Variants in PPFIA2 observed in about 807,000 individuals in gnomAD.
The protein encoded by PPFIA2 is liprin-alpha-2.
Under a neutral mutation model 175.5 loss-of-function variants are expected in PPFIA2, and 46 were observed. The observed-to-expected ratio is 0.26, with a 90% CI of 0.21 to 0.34. The LOEUF is 0.34. Ranked by LOEUF, PPFIA2 falls within the 10% of genes least tolerant of loss-of-function variation. The pLI is 1.00. For synonymous variants in PPFIA2, 568 were observed against 511.4 expected (o/e 1.11, Z -1.49); for missense variants, 1,179 against 1,506.1 (o/e 0.78, Z 3.60).
chr12:81,369,075 C>T, intron 12 of PPFIA2, 36 bp downstream of exon 12: 1 of 1,502,026 alleles, frequency 6.7e-7, no homozygotes, highest in Non-Finnish European at 9.2e-7. Context: ...ATTCATAAAC[C>T]AATGATTGGG....
chr12:81,313,731 T>C (rs1255442236), intron 22 of PPFIA2, among the ~76,000 whole-genome samples: 1 of 152,054 alleles, frequency 6.6e-6, no homozygotes, highest in African/African-American at 2.4e-5. Context: ...TCCAGGAAAA[T>C]TGCCAAAAGC....
chr12:81,399,693 TG>T (rs1296109207), intron 8 of PPFIA2, among the ~76,000 whole-genome samples: 6 of 152,144 alleles, frequency 3.9e-5, no homozygotes, highest in African/African-American at 1.4e-4. Flanking sequence ...TCTTTAGACC[TG>T]CTCTTTCCAA....
intron 22 of PPFIA2, among the ~76,000 whole-genome samples, chr12:81,311,323 C>G (rs957631838): frequency 3.3e-5 from 5 of 152,176 alleles, no homozygotes; most frequent in Admixed American, 6.5e-5. Context: ...ATTCTTGGCT[C>G]TCTATATGTA....
intron 22 of PPFIA2, chr12:81,311,955 C>T (rs2051015131): frequency 1.7e-6 from 1 of 571,938 alleles, no homozygotes; most frequent in Admixed American, 3.1e-5. Flanking sequence ...TGCCCAAAAG[C>T]TTACATAATT....
In PPFIA2 at chr12:81,375,801, G is replaced by A. The variant is rs370246827; in HGVS notation, c.1126C>T (p.Arg376Trp). 1.7e-5 allele frequency: 27 copies of A among 1,605,938 alleles called. No individual in the cohort carries two copies. The highest frequency in any genetic ancestry group is 2.2e-5 in the East Asian group (1 of 44,632). ...NELANKEAILRQMEEKNRQLQ... is the reference protein window; with the variant it reads ...NELANKEAILWQMEEKNRQLQ... The stretch of plus-strand genomic sequence containing the variant: ...CCAAGACAGAGATACTGAACCTGCC[G>A]CAGGATAGCTTCTTTATTTGCTAAC... Residue 376 changes from arginine (R) to tryptophan (W), a missense_variant, in exon 10 of 33, where the codon CGG becomes TGG. Transcript: ENST00000549396.
intron 5 of PPFIA2, among the ~76,000 whole-genome samples, chr12:81,457,226 C>T (rs555710773): frequency 4.0e-5 from 6 of 151,316 alleles, no homozygotes; most frequent in Non-Finnish European, 8.8e-5. Flanking sequence ...TTAGGTGATC[C>T]GCCTGCCTTG....
intron 4 of PPFIA2, among the ~76,000 whole-genome samples, chr12:81,537,596 C>T (rs754106107): frequency 6.6e-6 from 1 of 151,852 alleles, no homozygotes; most frequent in East Asian, 1.9e-4. Context: ...AGATGCCTCC[C>T]TTATAACTCT....
chr12:81,597,050 T>C (rs1227219321), intron 4 of PPFIA2, among the ~76,000 whole-genome samples: 1 of 152,146 alleles, frequency 6.6e-6, no homozygotes, highest in Non-Finnish European at 1.5e-5. Flanking sequence ...GCCGTTATAC[T>C]TATTTTTTCC....
intron 4 of PPFIA2, among the ~76,000 whole-genome samples, chr12:81,661,596 T>A (rs542345539): frequency 6.6e-6 from 1 of 151,944 alleles, no homozygotes; most frequent in African/African-American, 2.4e-5. Context: ...ACACAATAAT[T>A]ATGGGAGACT....
intron 9 of PPFIA2, among the ~76,000 whole-genome samples, chr12:81,377,702 T>G (rs935911936): frequency 6.6e-6 from 1 of 152,198 alleles, no homozygotes; most frequent in Non-Finnish European, 1.5e-5. Context: ...GCCTGAGAGA[T>G]ATTTCTAAAT....
intron 6 of PPFIA2, among the ~76,000 whole-genome samples, chr12:81,444,214 T>A (rs528842044): frequency 5.3e-5 from 8 of 152,308 alleles, no homozygotes; most frequent in Non-Finnish European, 8.8e-5. Context: ...CACAGCTTTT[T>A]CTGTGGCTAC....
intron 4 of PPFIA2, among the ~76,000 whole-genome samples, chr12:81,605,521 C>G: frequency 6.6e-6 from 1 of 151,784 alleles, no homozygotes; most frequent in Middle Eastern, 3.2e-3. Context: ...AGTTAAAATT[C>G]ATGCCATATG....
Position 81,676,781 on chromosome 12 carries a change from T to C in PPFIA2, c.303+10A>G. 6.5e-7 allele frequency: 1 copy of C among 1,545,610 alleles called. No individual in the cohort carries two copies. The highest frequency in any genetic ancestry group is 1.2e-5 in the South Asian group (1 of 81,746). Reference sequence around the variant, plus strand: ...ATCAATAGTTAAATTTAATGAAGAATCTAACTTACCGGTGGATCAGCCCCC... The same window carrying C: ...ATCAATAGTTAAATTTAATGAAGAACCTAACTTACCGGTGGATCAGCCCCC... On this transcript the variant is annotated intron_variant, in intron 4 of 32. Coordinates refer to ENST00000549396, the MANE Select transcript of PPFIA2 (RefSeq NM_003625.5).
chr12:81,271,116 A>T (rs964425705), intron 28 of PPFIA2, among the ~76,000 whole-genome samples: 3 of 152,078 alleles, frequency 2.0e-5, no homozygotes, highest in Non-Finnish European at 4.4e-5. Context: ...TCTGTCCTTA[A>T]ATTGAAGTAG....
At position 81,711,141 on chromosome 12, in the gene PPFIA2, T is replaced by C. The variant is rs142468221; in HGVS notation, c.250-34297A>G. ...GACTTGGGAGGCTGAGGTGGGAGGA[T>C]TGCTTGCACCCAGGAATTTGAGGCT... is the stretch of plus-strand genomic sequence containing the variant. On this transcript the variant is annotated intron_variant, in intron 3 of 32. Transcript: ENST00000549396. Among the ~76,000 whole-genome samples the C allele has an allele frequency of 7.1e-3, 1,067 of 151,294 alleles. 14 individuals are homozygous for C. Among genetic ancestry groups the C allele is most frequent in the Admixed American group, 0.013 (196 of 14,780 alleles).
chr12:81,644,842 C>T lies in PPFIA2; in HGVS notation c.303+31949G>A, dbSNP rs1013305625. 2.6e-5 allele frequency among the ~76,000 whole-genome samples: 4 copies of T among 152,022 alleles called. No individual in the cohort carries two copies. In the East Asian group the frequency reaches 7.7e-4, roughly 29 times the overall value. On this transcript the variant is annotated intron_variant, in intron 4 of 32. Transcript: ENST00000549396. ...ATGAGCAGTGAAAATGCATTTATTA[C>T]TGAAAACTTATTTTCATTTGATTTT...
At chr12:81,655,732 G>A (rs1290759782) in intron 4 of PPFIA2, among the ~76,000 whole-genome samples, 5 of 151,806 alleles carry the variant, frequency 3.3e-5, no homozygotes, top group African/African-American at 1.2e-4. Flanking sequence ...CCTTCATTTG[G>A]TCAATTTGGG....
At chr12:81,493,349 A>T (rs1456514953) in intron 4 of PPFIA2, among the ~76,000 whole-genome samples, 1 of 152,054 alleles carries the variant, frequency 6.6e-6, no homozygotes, top group Non-Finnish European at 1.5e-5. Context: ...GTCTTGGTAC[A>T]CTTCTCAGTG....
chr12:81,358,085 T>G lies in PPFIA2; in HGVS notation c.1770A>C (p.Pro590=), dbSNP rs377427079. The G allele has an allele frequency of 3.1e-6, 5 of 1,594,912 alleles. No homozygotes were observed. The African/African-American group carries it at 6.8e-5, about 22-fold the overall frequency. Residue 590 remains proline (P), a synonymous_variant, in exon 16 of 33, where the codon CCA becomes CCC. Coordinates refer to ENST00000549396, the MANE Select transcript of PPFIA2 (RefSeq NM_003625.5). ...RGRMGVRRDE[P]KVKSLGDHEW... ...GAGTTGAAGTTAAAAGATTAACCTTTGGCTCATCTCTTCGCACACCCATGC... is the reference window on the plus strand; with the variant it reads ...GAGTTGAAGTTAAAAGATTAACCTTGGGCTCATCTCTTCGCACACCCATGC...
Sources: gnomAD v4.1 joint callset for allele counts (sites outside exome capture counted in the v4.1 genomes callset) on GRCh38, gnomAD v4.1.1 for gene constraint, MANE v1.5 for transcripts, NCBI Gene and HGNC (gene_info 2026-07-23, HGNC 2026-07-21) for gene names.